Variants in WT1 observed in about 807,000 individuals in gnomAD.
The protein encoded by WT1 is Wilms tumor protein.
In WT1, 8 loss-of-function variants were observed where a neutral mutation model predicts 60.8. That is an observed-to-expected ratio of 0.13 (90% confidence interval 0.08 to 0.24). The LOEUF (loss-of-function observed/expected upper bound fraction) is 0.24. WT1 is among the 10% of genes least tolerant of loss of function. WT1 has a pLI of 1.00. For missense variants in WT1, 568 were observed against 711.8 expected (o/e 0.80, Z 2.30); for synonymous variants, 312 against 297.1 (o/e 1.05, Z -0.52).
intron 3 of WT1, among the ~76,000 whole-genome samples, chr11:32,423,359 G>C: frequency 6.6e-6 from 1 of 152,224 alleles, no homozygotes; most frequent in East Asian, 1.9e-4. Flanking sequence ...GAGGAGTCTG[G>C]AGTTTGAAAG....
chr11:32,413,664 GGATA>G (rs1441505385), intron 5 of WT1, among the ~76,000 whole-genome samples: 3 of 152,204 alleles, frequency 2.0e-5, no homozygotes, highest in Admixed American at 6.5e-5. Flanking sequence ...AAATGAAATA[GGATA>G]GAGAGAAAAA....
At chr11:32,402,223 AGGGCAGG>A (rs1247026902) in intron 5 of WT1, among the ~76,000 whole-genome samples, 2 of 152,190 alleles carry the variant, frequency 1.3e-5, no homozygotes, top group African/African-American at 4.8e-5. Flanking sequence ...TGACTTATCT[AGGGCAGG>A]GGGAATGTCT....
chr11:32,430,455 GGAGA>G (rs529663782), intron 1 of WT1: 350,396 of 892,842 alleles, frequency 0.39, 23,840 homozygotes, highest in Non-Finnish European at 0.42. Flanking sequence ...AGAGAGGGAG[GGAGA>G]GAGAGAGAGA....
chr11:32,423,442 G>A (rs139699227), intron 3 of WT1, among the ~76,000 whole-genome samples: 135 of 152,328 alleles, frequency 8.9e-4, no homozygotes, highest in African/African-American at 3.0e-3. Context: ...CAGGGAAAAC[G>A]CTGTCCCAAA....
At chr11:32,399,906 C>T (rs2132956091) in intron 6 of WT1, 42 bp downstream of exon 6, 1 of 1,601,350 alleles carries the variant, frequency 6.2e-7, no homozygotes, top group Non-Finnish European at 8.5e-7. Flanking sequence ...TAGGAAGAGG[C>T]AGTGCGGCCC....
rs5030216 is a variant in WT1, at chr11:32,415,981, T to G, written c.1016+509A>C. The stretch of plus-strand genomic sequence containing the variant: ...AAGAAAAAGAAACAGCTACAGAAAT[T>G]CCCCAAGGTGCAGGGTACAGGGCTG... On this transcript the variant is annotated intron_variant, in intron 5 of 9. Transcript: ENST00000452863. Among the ~76,000 whole-genome samples, 1,519 of 152,100 alleles carry G rather than the reference T, an allele frequency of 1.0e-2. 25 individuals carry two copies. Among genetic ancestry groups the G allele is most frequent in the African/African-American group, 0.034 (1,431 of 41,486 alleles).
At chr11:32,400,517 A>G (rs1852123218) in intron 5 of WT1, 1 of 294,004 alleles carries the variant, frequency 3.4e-6, no homozygotes, top group Non-Finnish European at 6.7e-6. Flanking sequence ...TCATGTCCTC[A>G]GAAGTGGGGA....
intron 5 of WT1, 59 bp from the exon 6 acceptor site, chr11:32,400,103 G>C (rs1852107731): frequency 2.5e-6 from 4 of 1,577,404 alleles, no homozygotes; most frequent in Middle Eastern, 3.3e-4. Flanking sequence ...ATTTGGAAAT[G>C]CTTATCTGCA....
intron 1 of WT1, among the ~76,000 whole-genome samples, chr11:32,429,846 T>G (rs1256494406): frequency 6.6e-6 from 1 of 151,996 alleles, no homozygotes; most frequent in Non-Finnish European, 1.5e-5. Flanking sequence ...CTCCCACTCT[T>G]GCACTATTTG....
At chr11:32,406,134 C>CA (rs1212028884) in intron 5 of WT1, among the ~76,000 whole-genome samples, 2 of 152,104 alleles carry the variant, frequency 1.3e-5, no homozygotes, top group Non-Finnish European at 2.9e-5. Context: ...TACTTGGAGG[C>CA]ACAACATGTA....
At chr11:32,389,537 C>T (rs1010047624) in intron 9 of WT1, among the ~76,000 whole-genome samples, 40 of 152,144 alleles carry the variant, frequency 2.6e-4, no homozygotes, top group African/African-American at 8.7e-4. Flanking sequence ...ATTTCTCCCC[C>T]TTGTTGAGTA....
chr11:32,407,216 C>T (rs759060623), intron 5 of WT1, among the ~76,000 whole-genome samples: 20 of 151,998 alleles, frequency 1.3e-4, no homozygotes, highest in African/African-American at 2.4e-5. Context: ...GCTAAAAACA[C>T]GTACATTGAG....
chr11:32,422,800 A>G (rs1307150624), intron 3 of WT1, among the ~76,000 whole-genome samples: 1 of 152,266 alleles, frequency 6.6e-6, no homozygotes, highest in Non-Finnish European at 1.5e-5. Context: ...ACCTGCTAAC[A>G]GGCAAAAGTA....
At position 32,392,739 on chromosome 11, in the gene WT1, C is replaced by T. The variant is rs774650640; in HGVS notation, c.1281G>A (p.Gln427=). The T allele has an allele frequency of 1.2e-6, 2 of 1,613,874 alleles. No individual in the cohort carries two copies. The highest frequency in any genetic ancestry group is 1.7e-5 in the Admixed American group (1 of 59,998). Residue 427 remains glutamine, a synonymous_variant, in exon 8 of 10, where the codon CAG becomes CAA. Coordinates refer to ENST00000452863, the MANE Select transcript of WT1 (RefSeq NM_024426.6). ...TTCGTTCACAGTCCTTGAAGTCACA[C>T]TGGTATGGTTTCTCACCTTGGGGAA...
intron 6 of WT1, among the ~76,000 whole-genome samples, chr11:32,397,244 T>A (rs1413146150): frequency 6.6e-6 from 1 of 152,204 alleles, no homozygotes; most frequent in Non-Finnish European, 1.5e-5. Flanking sequence ...CACTAAATTC[T>A]CCTCATTCCT....
In WT1 at chr11:32,388,590, T is replaced by C. The variant is rs1386253975; in HGVS notation, c.*468A>G. The C allele has an allele frequency of 4.0e-6, 1 of 250,868 alleles. No individual in the cohort carries two copies. The highest frequency in any genetic ancestry group is 7.8e-6 in the Non-Finnish European group (1 of 127,484). The allele number at this position is 250,868 out of a possible 1,614,324, so 15.5% of individuals were successfully genotyped here. ...ACCCCCGATGCCTTGCTCTCTGATT[T>C]ATTTCTTGCTGTTGCTGTTAGTAAA... On this transcript the variant is annotated 3_prime_UTR_variant, in exon 10 of 10. Transcript: ENST00000452863.
Position 32,395,985 on chromosome 11 carries a change from G to A in WT1, c.1264+272C>T, listed in dbSNP as rs1012942520. Among the ~76,000 whole-genome samples the A allele has an allele frequency of 3.9e-5, 6 of 152,220 alleles. No individual in the cohort carries two copies. The East Asian group carries it at 9.7e-4, about 25-fold the overall frequency. On this transcript the variant is annotated intron_variant, in intron 7 of 9. Transcript: ENST00000452863. ...GCTAATAGTATTCTAACACCAACAC[G>A]ATTCCTACACAGGTCTCTTTAATTC...
At chr11:32,424,163 A>T (rs77499195) in intron 3 of WT1, among the ~76,000 whole-genome samples, 19 of 126,848 alleles carry the variant, frequency 1.5e-4, no homozygotes, top group Non-Finnish European at 2.4e-4. Flanking sequence ...GCCATCTCAA[A>T]AAAAAAAAAA....
At chr11:32,434,632 G>A (rs1853426451) in intron 1 of WT1, 68 bp downstream of exon 1, 5 of 1,608,448 alleles carry the variant, frequency 3.1e-6, no homozygotes, top group South Asian at 2.2e-5. Context: ...GGAGAGGGGG[G>A]TGTCCTAGAG....
Sources: allele counts gnomAD v4.1 joint callset (sites outside exome capture counted in the v4.1 genomes callset), GRCh38; gene constraint gnomAD v4.1.1; transcripts MANE v1.5; gene names NCBI Gene and HGNC (gene_info 2026-07-23, HGNC 2026-07-21).